The following NELFA variants were observed in gnomAD, a reference collection of about 807,000 sequenced individuals.
NELFA encodes the protein negative elongation factor complex member A, also known as negative elongation factor A.
Under a neutral mutation model 51.8 loss-of-function variants are expected in NELFA, and 35 were observed. The observed-to-expected ratio is 0.68, with a 90% CI of 0.52 to 0.90. The LOEUF (loss-of-function observed/expected upper bound fraction) is 0.90, where lower values mean the gene tolerates loss of function less well. Among genes scored for constraint, NELFA ranks in the 40% least tolerant of loss-of-function variants. NELFA has a pLI of 0.00. For synonymous variants in NELFA, 417 were observed against 338.4 expected (o/e 1.23, Z -2.55); for missense variants, 658 against 746.4 (o/e 0.88, Z 1.38).
intron 1 of NELFA, among the ~76,000 whole-genome samples, chr4:1,995,853 G>A (rs910562490): frequency 1.3e-5 from 2 of 150,414 alleles, no homozygotes; most frequent in Non-Finnish European, 2.9e-5. Flanking sequence ...CTAACGGGGA[G>A]ATCAACAAAT....
intron 4 of NELFA, 74 bp downstream of exon 4, chr4:1,987,844 G>A: frequency 7.8e-7 from 1 of 1,277,432 alleles, no homozygotes; most frequent in Non-Finnish European, 1.1e-6. Flanking sequence ...TCCCCAACAG[G>A]GAGCGGGTCT....
intron 1 of NELFA, among the ~76,000 whole-genome samples, chr4:2,001,137 C>T (rs368838324): frequency 6.6e-6 from 1 of 152,166 alleles, no homozygotes; most frequent in African/African-American, 2.4e-5. Flanking sequence ...ATTAATGGAA[C>T]GTATCTCAAA....
rs191453376 is a variant in NELFA at position 2,007,175 on chromosome 4, C to T, written c.210+1575G>A. 163 of 415,982 alleles carry T rather than the reference C, an allele frequency of 3.9e-4. 3 individuals carry two copies. The East Asian group carries it at 0.01, about 26-fold the overall frequency. The allele number at this position is 415,982 out of a possible 1,614,324, so 25.8% of individuals were successfully genotyped here. The stretch of plus-strand genomic sequence containing the variant: ...TGAGTCACGATGGTGCCACTGCACT[C>T]CAGCCTGGTTGACAGCGCCAGACCC... On this transcript the variant is annotated intron_variant, in intron 1 of 10. Transcript: ENST00000382882.
At chr4:2,001,940 C>CAT (rs1560882905) in intron 1 of NELFA, among the ~76,000 whole-genome samples, 1 of 149,348 alleles carries the variant, frequency 6.7e-6, no homozygotes, top group Non-Finnish European at 1.5e-5. Context: ...GTGGCTCATG[C>CAT]CTGTAATCCT....
At chr4:1,986,037 G>T in intron 6 of NELFA, 77 bp downstream of exon 6, 1 of 1,491,822 alleles carries the variant, frequency 6.7e-7, no homozygotes, top group Non-Finnish European at 9.1e-7. Flanking sequence ...CCCGCCGAGC[G>T]TGGGCACAAC....
At position 1,991,635 on chromosome 4, in the gene NELFA, C is replaced by G; in HGVS notation, c.291G>C (p.Leu97Phe). 6.2e-7 allele frequency: 1 copy of G among 1,614,054 alleles called. No individual in the cohort carries two copies. The highest frequency in any genetic ancestry group is 8.5e-7 in the Non-Finnish European group (1 of 1,179,994). Residue 97 changes from leucine to phenylalanine, a missense_variant, in exon 2 of 11, where the codon TTG becomes TTC. This residue lies in a region of NELFA where 371 missense variants were observed against 448.3 expected (regional missense o/e 0.83). Transcript: ENST00000382882. The stretch of plus-strand genomic sequence containing the variant: ...GCGAGCCTGTGTCCGGAAAGGACTT[C>G]AAGATGTCGGCGACCATGAGCACCC... ...DPWVLMVADILKSFPDTGSLN... is the reference protein window; with the variant it reads ...DPWVLMVADIFKSFPDTGSLN...
chr4:1,996,489 A>G (rs949224345), intron 1 of NELFA, among the ~76,000 whole-genome samples: 1 of 152,252 alleles, frequency 6.6e-6, no homozygotes, highest in Non-Finnish European at 1.5e-5. Flanking sequence ...AAGACAGGAG[A>G]AAGAAAATTA....
chr4:1,994,550 G>A (rs182267752), intron 1 of NELFA, among the ~76,000 whole-genome samples: 1 of 150,418 alleles, frequency 6.6e-6, no homozygotes, highest in East Asian at 2.0e-4. Flanking sequence ...GGGCAACAGA[G>A]CAAGAGTCTG....
intron 1 of NELFA, among the ~76,000 whole-genome samples, chr4:1,998,101 A>G (rs1728480399): frequency 7.4e-6 from 1 of 135,852 alleles, no homozygotes. Context: ...CAGCATCAAC[A>G]ACAACAACAA....
At chr4:1,999,197 C>G (rs925465094) in intron 1 of NELFA, among the ~76,000 whole-genome samples, 6 of 150,784 alleles carry the variant, frequency 4.0e-5, no homozygotes, top group Admixed American at 2.7e-4. Flanking sequence ...AAAAAACACA[C>G]CAAAATATAG....
chr4:1,984,374 G>A (rs756320806), intron 8 of NELFA, among the ~76,000 whole-genome samples: 8 of 152,146 alleles, frequency 5.3e-5, no homozygotes, highest in Non-Finnish European at 1.0e-4. Flanking sequence ...TCCCCATACC[G>A]TAGGCACTGC....
chr4:2,008,444 G>C (rs1025422883), intron 1 of NELFA, among the ~76,000 whole-genome samples: 3 of 148,092 alleles, frequency 2.0e-5, no homozygotes, highest in Non-Finnish European at 3.0e-5. Context: ...GGGAGGTGAG[G>C]ACCCTAGTGG....
At chr4:1,985,070 T>C in intron 7 of NELFA, 151 bp from the exon 8 acceptor site, 4 of 595,530 alleles carry the variant, frequency 6.7e-6, no homozygotes, top group South Asian at 6.4e-5. Context: ...CTCCCTGGGC[T>C]AGACAACGGG....
chr4:1,994,848 CAAAA>C (rs35875576), intron 1 of NELFA, among the ~76,000 whole-genome samples: 2 of 81,862 alleles, frequency 2.4e-5, no homozygotes, highest in Non-Finnish European at 2.4e-5. Flanking sequence ...GACTCCGTCT[CAAAA>C]AAAAAAAAAA....
rs892200642 is a variant in NELFA at position 1,989,373 on chromosome 4, G to A, written c.544+335C>T. Reference sequence around the variant, plus strand: ...GAGACAGGGTCTCACTCTCTCCCAGGCTGGAGTGTAGTGGTGTGATCACAG... The same window carrying A: ...GAGACAGGGTCTCACTCTCTCCCAGACTGGAGTGTAGTGGTGTGATCACAG... On this transcript the variant is annotated intron_variant, in intron 3 of 10. Transcript: ENST00000382882. The surrounding 1 kb of genome is among the most constrained non-coding windows in gnomAD (Gnocchi z 4.8). Among the ~76,000 whole-genome samples, 1 of 152,152 alleles carries A rather than the reference G, an allele frequency of 6.6e-6. No individual in the cohort carries two copies. Among genetic ancestry groups the A allele is most frequent in the African/African-American group, 2.4e-5 (1 of 41,420 alleles).
chr4:1,996,414 C>T (rs141633716), intron 1 of NELFA, among the ~76,000 whole-genome samples: 4 of 152,064 alleles, frequency 2.6e-5, no homozygotes, highest in Admixed American at 2.0e-4. Context: ...CATACACACA[C>T]GAAAAGAAGC....
At chr4:1,986,442 C>G (rs772541698) in intron 4 of NELFA, 40 bp from the exon 5 acceptor site, 7 of 1,604,156 alleles carry the variant, frequency 4.4e-6, no homozygotes, top group Non-Finnish European at 5.9e-6. Context: ...CAGCAGTGAC[C>G]GGCAAACGTC....
Position 1,989,949 on chromosome 4 carries a change from C to T in NELFA, c.383-80G>A, listed in dbSNP as rs1728224244. 6.6e-7 allele frequency: 1 copy of T among 1,516,078 alleles called. No homozygotes were observed. The highest frequency in any genetic ancestry group is 1.4e-5 in the African/African-American group (1 of 72,284). The allele number at this position is 1,516,078 out of a possible 1,614,324, so 93.9% of individuals were successfully genotyped here. ...TGAGAGGAGCTGGCGGCTGCCCAGC[C>T]CCACACCCTCCTCAGTTAGGGTTAG... On this transcript the variant is annotated intron_variant, in intron 2 of 10. Coordinates refer to ENST00000382882, the MANE Select transcript of NELFA (RefSeq NM_005663.5). The surrounding 1 kb of genome is among the most constrained non-coding windows in gnomAD (Gnocchi z 4.8).
chr4:1,992,440 G>T, intron 1 of NELFA: 1 of 428,038 alleles, frequency 2.3e-6, no homozygotes, highest in Admixed American at 2.6e-5. Flanking sequence ...GGCCTGCTTC[G>T]GCCACATAAA....
Sources: allele counts gnomAD v4.1 joint callset (sites outside exome capture counted in the v4.1 genomes callset), GRCh38; gene constraint gnomAD v4.1.1; regional missense constraint gnomAD v4.1.1; non-coding constraint Gnocchi (gnomAD v3.1); transcripts MANE v1.5; gene names NCBI Gene and HGNC (gene_info 2026-07-23, HGNC 2026-07-21).